SIPA1L3: variants seen among roughly 807,000 people sequenced by gnomAD.
The protein encoded by SIPA1L3 is signal-induced proliferation-associated 1-like protein 3.
A neutral mutation model predicts 150.1 loss-of-function variants in SIPA1L3; 59 were observed. The ratio of observed to expected loss-of-function variants is 0.39; its 90% confidence interval spans 0.32 to 0.49. The LOEUF (loss-of-function observed/expected upper bound fraction) is 0.49. SIPA1L3 is among the 20% of genes least tolerant of loss of function. The pLI is 0.86. For missense variants in SIPA1L3, 2,211 were observed against 2,489.5 expected (o/e 0.89, Z 2.38); for synonymous variants, 1,070 against 1,077.6 (o/e 0.99, Z 0.14).
chr19:37,998,999 A>C (rs1296906247), intron 1 of SIPA1L3, among the ~76,000 whole-genome samples: 3 of 151,440 alleles, frequency 2.0e-5, no homozygotes, highest in Non-Finnish European at 2.9e-5. Flanking sequence ...ACACACACAC[A>C]CACACACACA....
At chr19:37,947,453 C>T (rs1169384052) in intron 1 of SIPA1L3, among the ~76,000 whole-genome samples, 2 of 151,146 alleles carry the variant, frequency 1.3e-5, no homozygotes, top group Non-Finnish European at 2.9e-5. Context: ...TGCGCCTCTG[C>T]ACTCCAGCCT....
intron 1 of SIPA1L3, among the ~76,000 whole-genome samples, chr19:37,918,687 T>C (rs766257341): frequency 9.2e-5 from 14 of 151,554 alleles, no homozygotes; most frequent in Non-Finnish European, 1.8e-4. Context: ...CTGGTCAACA[T>C]GGTGAAATCC....
At chr19:37,932,679 G>A (rs1001555933) in intron 1 of SIPA1L3, 6 of 152,212 alleles carry the variant, frequency 3.9e-5, no homozygotes, top group Admixed American at 2.6e-4. Flanking sequence ...AGCCGTGTTC[G>A]GGGAGTCTTT....
At chr19:37,981,086 G>T (rs770096344) in intron 1 of SIPA1L3, among the ~76,000 whole-genome samples, 5 of 152,160 alleles carry the variant, frequency 3.3e-5, no homozygotes, top group Admixed American at 6.6e-5. Flanking sequence ...GATGGCTTTG[G>T]TTCTTTTTAT....
At chr19:38,171,204 G>A (rs994144213) in intron 15 of SIPA1L3, among the ~76,000 whole-genome samples, 1 of 152,062 alleles carries the variant, frequency 6.6e-6, no homozygotes, top group Non-Finnish European at 1.5e-5. Flanking sequence ...AGGGAGGAGG[G>A]TGGTATCGTC....
intron 1 of SIPA1L3, among the ~76,000 whole-genome samples, chr19:37,933,472 C>T (rs965940141): frequency 6.6e-6 from 1 of 152,194 alleles, no homozygotes; most frequent in Non-Finnish European, 1.5e-5. Flanking sequence ...CTCTGCTTCC[C>T]AGCTCTAGGC....
At chr19:38,132,046 C>G (rs1446201926) in intron 10 of SIPA1L3, among the ~76,000 whole-genome samples, 1 of 151,352 alleles carries the variant, frequency 6.6e-6, no homozygotes, top group Non-Finnish European at 1.5e-5. Context: ...ACCAGCCTGG[C>G]CAACACAGTG....
At chr19:38,140,683 G>T (rs1971555279) in intron 10 of SIPA1L3, among the ~76,000 whole-genome samples, 2 of 152,152 alleles carry the variant, frequency 1.3e-5, no homozygotes, top group Admixed American at 1.3e-4. Flanking sequence ...CGGAGTCCCT[G>T]TGTTGGGTCC....
At chr19:38,042,405 G>C (rs1047890503) in intron 2 of SIPA1L3, among the ~76,000 whole-genome samples, 2 of 151,992 alleles carry the variant, frequency 1.3e-5, no homozygotes, top group Admixed American at 1.3e-4. Context: ...TTTTTATTTC[G>C]CAGTGTTGCT....
chr19:38,083,214 G>T, intron 3 of SIPA1L3, 115 bp downstream of exon 3: 13 of 1,114,706 alleles, frequency 1.2e-5, no homozygotes, highest in Non-Finnish European at 1.7e-5. Flanking sequence ...AGGATGTGGC[G>T]GGAACAGAGA....
intron 20 of SIPA1L3, chr19:38,203,892 C>G: frequency 1.9e-6 from 1 of 536,622 alleles, no homozygotes; most frequent in South Asian, 2.4e-5. Flanking sequence ...GGGCAGCCAC[C>G]CTTCCCCTGG....
intron 21 of SIPA1L3, among the ~76,000 whole-genome samples, chr19:38,204,872 T>C (rs1430562525): frequency 6.6e-6 from 1 of 152,214 alleles, no homozygotes; most frequent in Non-Finnish European, 1.5e-5. Flanking sequence ...GTTGCCACAC[T>C]ATTGGCAATA....
chr19:38,192,970 C>T (rs567227369), intron 17 of SIPA1L3, among the ~76,000 whole-genome samples: 61 of 152,250 alleles, frequency 4.0e-4, no homozygotes, highest in South Asian at 8.3e-4. Flanking sequence ...AGGCTTTGAT[C>T]GCCAGCCTTA....
At chr19:38,022,694 C>T (rs546865052) in intron 1 of SIPA1L3, among the ~76,000 whole-genome samples, 4 of 151,954 alleles carry the variant, frequency 2.6e-5, no homozygotes, top group South Asian at 2.1e-4. Context: ...GGTGACAGAG[C>T]GAGACTCCAT....
intron 8 of SIPA1L3, among the ~76,000 whole-genome samples, chr19:38,111,940 TGCACAC>T (rs1970760596): frequency 1.3e-5 from 2 of 150,042 alleles, no homozygotes; most frequent in Non-Finnish European, 3.0e-5. Flanking sequence ...CACATGCACA[TGCACAC>T]ACATACATGC....
intron 1 of SIPA1L3, among the ~76,000 whole-genome samples, chr19:37,908,685 GT>G (rs1158344188): frequency 6.6e-6 from 1 of 151,892 alleles, no homozygotes; most frequent in Non-Finnish European, 1.5e-5. Context: ...CAAAGTTAGT[GT>G]TTTTTTATCT....
intron 1 of SIPA1L3, among the ~76,000 whole-genome samples, chr19:37,981,440 A>G (rs992157635): frequency 2.0e-5 from 3 of 151,166 alleles, no homozygotes; most frequent in African/African-American, 7.3e-5. Flanking sequence ...AAAAAAAAAA[A>G]GAGTTTTGGT....
intron 1 of SIPA1L3, among the ~76,000 whole-genome samples, chr19:38,000,662 A>C (rs906502220): frequency 1.1e-5 from 1 of 90,950 alleles, no homozygotes; most frequent in Admixed American, 1.7e-4. Flanking sequence ...CTAGGAAAGC[A>C]GGGGCAAAAG....
intron 2 of SIPA1L3, among the ~76,000 whole-genome samples, chr19:38,044,298 C>T (rs895893503): frequency 2.0e-5 from 3 of 152,120 alleles, no homozygotes; most frequent in Non-Finnish European, 2.9e-5. Flanking sequence ...ATACGCATAC[C>T]TGAAGTTGAG....
Sources: gnomAD v4.1 joint callset for allele counts (sites outside exome capture counted in the v4.1 genomes callset) on GRCh38, gnomAD v4.1.1 for gene constraint, MANE v1.5 for transcripts, NCBI Gene and HGNC (gene_info 2026-07-23, HGNC 2026-07-21) for gene names.